Variants in MAST4 observed in about 807,000 individuals in gnomAD.
The protein encoded by MAST4 is microtubule associated serine/threonine kinase family member 4.
MAST4 carries 89 observed loss-of-function variants against 162.7 expected under a neutral mutation model. The ratio of observed to expected loss-of-function variants is 0.55; its 90% CI spans 0.46 to 0.65. MAST4 has a LOEUF of 0.65. Ranked by LOEUF, MAST4 falls within the 30% of genes least tolerant of loss-of-function variation. MAST4 has a pLI of 0.00. For synonymous variants in MAST4, 1,479 were observed against 1,361.1 expected, an observed-to-expected ratio of 1.09 and a Z score of -1.91; for missense variants, 3,153 against 3,374.0, an observed-to-expected ratio of 0.93 and a Z score of 1.62.
chr5:66,967,684 TAA>T (rs549249080), intron 4 of MAST4, among the ~76,000 whole-genome samples: 16 of 112,898 alleles, frequency 1.4e-4, no homozygotes, highest in Admixed American at 3.7e-4. Flanking sequence ...TCACACTCCT[TAA>T]AAAAAAAAAA....
chr5:67,164,373 C>G lies in MAST4; in HGVS notation c.5194C>G (p.Pro1732Ala). The change falls in exon 29 of 29, where the codon CCC becomes GCC. Residue 1732 changes from proline to alanine, a missense_variant. Physicochemically the swap from Pro to Ala is conservative, Grantham distance 27 (BLOSUM62 -1). Transcript: ENST00000403625. This position sits in a 1 kb window ranked among gnomAD's most constrained non-coding sequence, Gnocchi z 5.3. Reference protein sequence around the residue: ...PVRPTGGQQEPPPASESRAFV... With the variant: ...PVRPTGGQQEAPPASESRAFV... ...CCGACCCACGGGTGGGCAGCAGGAG[C>G]CCCCGCCGGCTTCTGAGAGCCGAGC... is the stretch of plus-strand genomic sequence containing the variant. 6.2e-7 allele frequency: 1 copy of G among 1,613,934 alleles called. No individual in the cohort carries two copies. The highest frequency in any genetic ancestry group is 8.5e-7 in the Non-Finnish European group (1 of 1,179,874).
At position 67,100,476 on chromosome 5, in the gene MAST4, C is replaced by T; in HGVS notation, c.954C>T (p.Tyr318=). Residue 318 remains tyrosine (Y), a synonymous_variant, in exon 8 of 29, where the codon TAC becomes TAT. Transcript: ENST00000403625. ...AGGAGAAGTTGCATCAGTTACCATA[C>T]CAACCAACACCAGACGAGTTACACT... ...SSQEKLHQLP[Y]QPTPDELHFL... The T allele has an allele frequency of 1.2e-6, 2 of 1,613,902 alleles. No individual in the cohort carries two copies. Among genetic ancestry groups the T allele is most frequent in the Non-Finnish European group, 1.7e-6 (2 of 1,179,838 alleles).
At chr5:66,739,514 A>T (rs1050123872) in intron 1 of MAST4, among the ~76,000 whole-genome samples, 3 of 152,158 alleles carry the variant, frequency 2.0e-5, no homozygotes, top group Non-Finnish European at 2.9e-5. Context: ...CTTTTCACAT[A>T]TATAGAGGCA....
At chr5:66,991,570 G>A (rs1027482389) in intron 4 of MAST4, among the ~76,000 whole-genome samples, 22 of 152,052 alleles carry the variant, frequency 1.4e-4, no homozygotes, top group African/African-American at 5.1e-4. Context: ...CAAGTTTTAG[G>A]TGCTTTACAG....
intron 5 of MAST4, among the ~76,000 whole-genome samples, chr5:67,078,491 A>T (rs79426348): frequency 2.0e-5 from 3 of 151,220 alleles, no homozygotes; most frequent in Admixed American, 6.6e-5. Flanking sequence ...ATGAAACGTT[A>T]TATGAGGTGA....
At chr5:67,004,070 C>T (rs1751622214) in intron 4 of MAST4, 1 of 152,252 alleles carries the variant, frequency 6.6e-6, no homozygotes, top group Admixed American at 6.5e-5. Context: ...AGGTCGGCCT[C>T]AGGTGCGCGC....
At chr5:66,935,941 T>A (rs1325734910) in intron 4 of MAST4, among the ~76,000 whole-genome samples, 1 of 152,154 alleles carries the variant, frequency 6.6e-6, no homozygotes, top group Non-Finnish European at 1.5e-5. Flanking sequence ...GTGCTGGGAT[T>A]ACAGGCATGA....
At chr5:66,941,419 G>T (rs113989011) in intron 4 of MAST4, among the ~76,000 whole-genome samples, 12,257 of 152,100 alleles carry the variant, frequency 0.081, 1,593 homozygotes, top group African/African-American at 0.28. Context: ...TGGAGATGGC[G>T]TCTTTCCTTA....
Position 67,153,526 on chromosome 5 carries a change from T to C in MAST4, c.3594T>C (p.Asn1198=). The C allele has an allele frequency of 6.2e-7, 1 of 1,601,152 alleles. No individual in the cohort carries two copies. The highest frequency in any genetic ancestry group is 2.2e-5 in the East Asian group (1 of 44,586). The change falls in exon 26 of 29, where the codon AAT becomes AAC. Residue 1198 remains asparagine (N), a synonymous_variant. Coordinates refer to ENST00000403625, the MANE Select transcript of MAST4 (RefSeq NM_001164664.2). ...CTGGAGATCTTATCACTCACATCAA[T>C]GGAGAACCAGTGCATGGACTTGTCC... ...LKAGDLITHI[N]GEPVHGLVHT... is the part of the protein sequence containing the mutation.
At chr5:67,096,136 G>C (rs559351090) in intron 7 of MAST4, among the ~76,000 whole-genome samples, 1 of 151,780 alleles carries the variant, frequency 6.6e-6, no homozygotes, top group South Asian at 2.1e-4. Flanking sequence ...TAATTTGTCT[G>C]TGCCTTCTAG....
intron 4 of MAST4, among the ~76,000 whole-genome samples, chr5:66,916,322 G>A (rs988800992): frequency 6.6e-6 from 1 of 152,178 alleles, no homozygotes; most frequent in Non-Finnish European, 1.5e-5. Flanking sequence ...ATACACAGGG[G>A]GGAAAGAGAG....
intron 1 of MAST4, among the ~76,000 whole-genome samples, chr5:66,709,588 G>T (rs899513491): frequency 6.6e-6 from 1 of 152,018 alleles, no homozygotes; most frequent in Non-Finnish European, 1.5e-5. Context: ...AAGTGCTGGG[G>T]TTATAAGCAT....
chr5:66,843,594 G>A (rs766427713), intron 3 of MAST4, among the ~76,000 whole-genome samples: 47 of 152,232 alleles, frequency 3.1e-4, no homozygotes, highest in Admixed American at 5.9e-4. Context: ...ATTAAGTTTG[G>A]AAGAAGGAAC....
At chr5:66,657,034 A>G (rs1283021158) in intron 1 of MAST4, among the ~76,000 whole-genome samples, 2 of 152,226 alleles carry the variant, frequency 1.3e-5, no homozygotes, top group African/African-American at 4.8e-5. Flanking sequence ...TTTTGCAGTT[A>G]CTGAGTAAAT....
chr5:67,041,396 G>A (rs1416714773), intron 4 of MAST4, among the ~76,000 whole-genome samples: 1 of 152,126 alleles, frequency 6.6e-6, no homozygotes, highest in Non-Finnish European at 1.5e-5. Context: ...TTACCATCAA[G>A]CCTTGCTGCC....
At chr5:66,877,522 A>G (rs79843958) in intron 3 of MAST4, among the ~76,000 whole-genome samples, 2,313 of 152,284 alleles carry the variant, frequency 0.015, 60 homozygotes, top group African/African-American at 0.052. Flanking sequence ...CCCTGTTCTT[A>G]ACCACTAAGC....
chr5:66,648,922 A>G, intron 1 of MAST4, among the ~76,000 whole-genome samples: 1 of 152,292 alleles, frequency 6.6e-6, no homozygotes, highest in South Asian at 2.1e-4. Flanking sequence ...TTAAATTAAA[A>G]ATATTTAAAT....
chr5:67,112,617 A>T (rs766111044), intron 11 of MAST4, among the ~76,000 whole-genome samples: 1 of 152,194 alleles, frequency 6.6e-6, no homozygotes, highest in Non-Finnish European at 1.5e-5. Flanking sequence ...ATTATGAAAT[A>T]CACTAAAAAC....
chr5:66,775,460 T>C (rs1754556637), intron 2 of MAST4, among the ~76,000 whole-genome samples: 1 of 152,194 alleles, frequency 6.6e-6, no homozygotes, highest in South Asian at 2.1e-4. Flanking sequence ...AGTGGCTAAA[T>C]GATAGACCAG....
Sources: gnomAD v4.1 joint callset for allele counts (sites outside exome capture counted in the v4.1 genomes callset) on GRCh38, gnomAD v4.1.1 for gene constraint, Gnocchi (gnomAD v3.1) non-coding constraint, MANE v1.5 for transcripts, NCBI Gene and HGNC (gene_info 2026-07-23, HGNC 2026-07-21) for gene names.